The following GAD2 variants were observed in gnomAD, a reference collection of about 807,000 sequenced individuals.
GAD2 encodes the protein glutamate decarboxylase 2.
A neutral mutation model predicts 80.1 loss-of-function variants in GAD2; 22 were observed. The observed-to-expected ratio is 0.27, with a 90% CI of 0.20 to 0.39. The LOEUF is 0.39. Among genes scored for constraint, GAD2 ranks in the 10% least tolerant of loss-of-function variants. The probability of loss-of-function intolerance (pLI) is 1.00; values close to 1 mark genes in which losing one functional copy is unlikely to be tolerated. For synonymous variants in GAD2, 274 were observed against 256.9 expected (o/e 1.07, Z -0.64); for missense variants, 624 against 738.4 (o/e 0.85, Z 1.80).
chr10:26,227,346 C>T (rs1249477806), intron 6 of GAD2, among the ~76,000 whole-genome samples: 1 of 152,206 alleles, frequency 6.6e-6, no homozygotes, highest in Non-Finnish European at 1.5e-5. Context: ...CTCTGTTACA[C>T]AAAACAGTCT....
chr10:26,292,613 A>G, intron 14 of GAD2, 41 bp downstream of exon 14: 4 of 1,419,202 alleles, frequency 2.8e-6, no homozygotes, highest in Non-Finnish European at 4.0e-6. Flanking sequence ...AGTTTAGTCA[A>G]TTCCAACCCT....
chr10:26,252,883 C>G (rs141225368), intron 8 of GAD2, among the ~76,000 whole-genome samples: 3,719 of 152,060 alleles, frequency 0.024, 135 homozygotes, highest in African/African-American at 0.084. Context: ...CTCTCGGACT[C>G]CTGACCTCAG....
At chr10:26,246,348 T>C (rs8190673) in intron 8 of GAD2, among the ~76,000 whole-genome samples, 3,605 of 152,216 alleles carry the variant, frequency 0.024, 155 homozygotes, top group African/African-American at 0.082. Flanking sequence ...TTGGGCACCA[T>C]AGATAGTGTA....
At chr10:26,221,694 C>A (rs981023579) in intron 4 of GAD2, among the ~76,000 whole-genome samples, 4 of 152,198 alleles carry the variant, frequency 2.6e-5, no homozygotes, top group Admixed American at 6.5e-5. Flanking sequence ...GCAGAGTCTG[C>A]GCATCCTTCC....
chr10:26,286,211 T>A (rs1033385584), intron 12 of GAD2, 134 bp from the exon 13 acceptor site: 3 of 819,790 alleles, frequency 3.7e-6, no homozygotes, highest in South Asian at 1.8e-5. Context: ...TTCTTTTTTT[T>A]AAAATTGATT....
intron 7 of GAD2, among the ~76,000 whole-genome samples, chr10:26,244,570 C>T (rs1166073412): frequency 6.6e-6 from 1 of 152,156 alleles, no homozygotes; most frequent in Non-Finnish European, 1.5e-5. Context: ...AGGAAATTCT[C>T]ACACATGCTA....
At chr10:26,286,598 T>C (rs1221051398) in intron 13 of GAD2, 104 bp downstream of exon 13, 1 of 1,187,396 alleles carries the variant, frequency 8.4e-7, no homozygotes, top group Non-Finnish European at 1.1e-6. Context: ...GAAATTTCCT[T>C]ACCCAAGATT....
At position 26,217,616 on chromosome 10, in the gene GAD2, C is replaced by T. The variant is rs958697752; in HGVS notation, c.83C>T (p.Ala28Val). 8.7e-6 allele frequency: 14 copies of T among 1,612,880 alleles called. No individual in the cohort carries two copies. In the African/African-American group the frequency reaches 1.6e-4, roughly 18 times the overall value. The change falls in exon 2 of 16, where the codon GCC (alanine) becomes GTC (valine). Residue 28 changes from alanine to valine, a missense_variant. Ala to Val is a moderately conservative substitution (Grantham distance 64). Transcript: ENST00000376261. This position sits in a 1 kb window ranked among gnomAD's most constrained non-coding sequence, Gnocchi z 4.9. Reference sequence around the variant, plus strand: ...TGCCTATTCTTCCTTGCAGCGCGAGCCTGGTGCCAAGTGGCTCAGAAGTTC... The same window carrying T: ...TGCCTATTCTTCCTTGCAGCGCGAGTCTGGTGCCAAGTGGCTCAGAAGTTC... Reference protein sequence around the residue: ...GDSENPGTARAWCQVAQKFTG... With the variant: ...GDSENPGTARVWCQVAQKFTG...
At chr10:26,257,371 C>T (rs1017824378) in intron 8 of GAD2, among the ~76,000 whole-genome samples, 3 of 152,196 alleles carry the variant, frequency 2.0e-5, no homozygotes, top group East Asian at 1.9e-4. Context: ...AGCGAGATTC[C>T]GTCTCAAGAA....
chr10:26,264,009 T>C (rs1017206917), intron 8 of GAD2, among the ~76,000 whole-genome samples: 6 of 152,190 alleles, frequency 3.9e-5, no homozygotes, highest in Non-Finnish European at 8.8e-5. Flanking sequence ...GAAATCTGCC[T>C]CCTGCTAGCT....
chr10:26,255,241 A>G (rs1844928962), intron 8 of GAD2, among the ~76,000 whole-genome samples: 1 of 152,216 alleles, frequency 6.6e-6, no homozygotes, highest in African/African-American at 2.4e-5. Flanking sequence ...TTCCAGAGAA[A>G]GGAGTGGTCA....
chr10:26,227,313 G>C (rs1844539275), intron 6 of GAD2, among the ~76,000 whole-genome samples: 1 of 152,158 alleles, frequency 6.6e-6, no homozygotes, highest in South Asian at 2.1e-4. Context: ...GAGCAGGTAG[G>C]GCTCACGCAT....
At chr10:26,255,908 G>A (rs918564621) in intron 8 of GAD2, among the ~76,000 whole-genome samples, 9 of 151,608 alleles carry the variant, frequency 5.9e-5, no homozygotes, top group African/African-American at 1.9e-4. Flanking sequence ...GGAGGACTGG[G>A]GAGGGATGGG....
Position 26,286,494 on chromosome 10 carries a change from G to A in GAD2, c.1386G>A (p.Lys462=), listed in dbSNP as rs1845334480. The change falls in exon 13 of 16, where the codon AAG becomes AAA. Residue 462 remains lysine, a splice_region_variant and synonymous_variant. Transcript: ENST00000376261. ...AACTATGGCTGATGTGGAGGGCAAAGGTGAGTATGTATGGACCAGCTAAAT... is the reference window on the plus strand; with the variant it reads ...AACTATGGCTGATGTGGAGGGCAAAAGTGAGTATGTATGGACCAGCTAAAT... ...VFKLWLMWRA[K]GTTGFEAHVD... is the part of the protein sequence containing the mutation. 1 of 1,612,234 alleles carries A rather than the reference G, an allele frequency of 6.2e-7. No individual in the cohort carries two copies. The highest frequency in any genetic ancestry group is 8.5e-7 in the Non-Finnish European group (1 of 1,179,538).
At chr10:26,269,658 G>C (rs1047102236) in intron 9 of GAD2, among the ~76,000 whole-genome samples, 11 of 152,224 alleles carry the variant, frequency 7.2e-5, no homozygotes, top group Non-Finnish European at 1.5e-4. Context: ...GCCTGCCCAA[G>C]ATTCCCAAAG....
intron 13 of GAD2, among the ~76,000 whole-genome samples, chr10:26,291,247 C>T (rs1834211277): frequency 6.6e-6 from 1 of 152,194 alleles, no homozygotes; most frequent in Non-Finnish European, 1.5e-5. Flanking sequence ...TACAGTCCAT[C>T]CCAAGTGAAC....
At chr10:26,252,146 G>T (rs1302993779) in intron 8 of GAD2, among the ~76,000 whole-genome samples, 1 of 152,114 alleles carries the variant, frequency 6.6e-6, no homozygotes, top group Non-Finnish European at 1.5e-5. Context: ...GCCCTCTGTG[G>T]CTTTCAATTC....
At chr10:26,238,000 A>T (rs910486771) in intron 7 of GAD2, among the ~76,000 whole-genome samples, 5 of 94,882 alleles carry the variant, frequency 5.3e-5, no homozygotes, top group East Asian at 2.8e-4. Context: ...AGACTCCATC[A>T]CACAGACACA....
chr10:26,248,344 G>A (rs993073377), intron 8 of GAD2, among the ~76,000 whole-genome samples: 3 of 152,196 alleles, frequency 2.0e-5, no homozygotes, highest in African/African-American at 7.2e-5. Context: ...AAGAATGCTA[G>A]CTCTGGCCCA....
Sources: gnomAD v4.1 joint callset for allele counts (sites outside exome capture counted in the v4.1 genomes callset) on GRCh38, gnomAD v4.1.1 for gene constraint, Gnocchi (gnomAD v3.1) non-coding constraint, MANE v1.5 for transcripts, NCBI Gene and HGNC (gene_info 2026-07-23, HGNC 2026-07-21) for gene names.